CCSER1: variants seen among roughly 807,000 people sequenced by gnomAD.
CCSER1 encodes the protein coiled-coil serine rich protein 1.
CCSER1 carries 41 observed loss-of-function variants against 82.0 expected under a neutral mutation model. The observed-to-expected ratio is 0.50, with a 90% CI of 0.39 to 0.65. The LOEUF is 0.65. Among genes scored for constraint, CCSER1 ranks in the 30% least tolerant of loss-of-function variants. The pLI is 0.00. For synonymous variants in CCSER1, 414 were observed against 383.9 expected (o/e 1.08, Z -0.92); for missense variants, 1,119 against 1,064.2 (o/e 1.05, Z -0.72).
intron 1 of CCSER1, among the ~76,000 whole-genome samples, chr4:90,175,785 T>C (rs1732551005): frequency 6.6e-6 from 1 of 151,978 alleles, no homozygotes; most frequent in Admixed American, 6.6e-5. Context: ...TAAAAATGAA[T>C]ATGAGTGAAT....
chr4:90,534,558 T>A (rs564907970), intron 5 of CCSER1, among the ~76,000 whole-genome samples: 1 of 151,830 alleles, frequency 6.6e-6, no homozygotes, highest in East Asian at 1.9e-4. Context: ...TGGCAGGAAT[T>A]AAAGCAGATA....
intron 9 of CCSER1, among the ~76,000 whole-genome samples, chr4:90,964,805 A>G (rs1287416368): frequency 1.3e-5 from 2 of 151,870 alleles, no homozygotes; most frequent in Non-Finnish European, 2.9e-5. Flanking sequence ...AATTCTGGAA[A>G]TCCACCAAAG....
chr4:90,957,098 CTTTTTTTTTT>C (rs1215668480), intron 9 of CCSER1, among the ~76,000 whole-genome samples: 1 of 86,680 alleles, frequency 1.2e-5, no homozygotes, highest in Admixed American at 1.4e-4. Context: ...TCTTTCTTTC[CTTTTTTTTTT>C]TTTTTTTTTT....
At chr4:91,104,263 C>T (rs192450090) in intron 10 of CCSER1, among the ~76,000 whole-genome samples, 40 of 152,266 alleles carry the variant, frequency 2.6e-4, no homozygotes, top group African/African-American at 5.3e-4. Flanking sequence ...GGACCCTTAT[C>T]GGTAGTTCTG....
At chr4:91,292,355 CTGAATTTTTATTAAAATTCAGGGT>C in intron 10 of CCSER1, among the ~76,000 whole-genome samples, 1 of 152,060 alleles carries the variant, frequency 6.6e-6, no homozygotes, top group African/African-American at 2.4e-5. Context: ...GCAAAAGACA[CTGAATTTTTATTAAAATTCAGGGT>C]TCTGTTTTTT....
chr4:90,509,124 T>C (rs1057011620), intron 5 of CCSER1, among the ~76,000 whole-genome samples: 1 of 152,076 alleles, frequency 6.6e-6, no homozygotes, highest in Non-Finnish European at 1.5e-5. Context: ...GTTTTTGCTA[T>C]TGTGTATTTT....
chr4:91,092,096 C>A (rs1483082582), intron 10 of CCSER1, among the ~76,000 whole-genome samples: 1 of 152,128 alleles, frequency 6.6e-6, no homozygotes, highest in Non-Finnish European at 1.5e-5. Context: ...GGGCCTGTAT[C>A]CATTTTAATC....
intron 6 of CCSER1, among the ~76,000 whole-genome samples, chr4:90,659,505 TCATTACAACCACCAC>T (rs1025389937): frequency 2.0e-5 from 3 of 152,092 alleles, no homozygotes; most frequent in African/African-American, 7.2e-5. Context: ...ATCATGATCA[TCATTACAACCACCAC>T]CAACATCACC....
intron 1 of CCSER1, among the ~76,000 whole-genome samples, chr4:90,190,912 A>G (rs1358378782): frequency 6.6e-6 from 1 of 152,120 alleles, no homozygotes; most frequent in Non-Finnish European, 1.5e-5. Context: ...ACATAAAAAT[A>G]TTACCAGAAA....
At chr4:91,219,427 C>G (rs1323491195) in intron 10 of CCSER1, among the ~76,000 whole-genome samples, 1 of 151,260 alleles carries the variant, frequency 6.6e-6, no homozygotes, top group Non-Finnish European at 1.5e-5. Context: ...ATTCTCCTGC[C>G]TCAGCCTCTC....
intron 3 of CCSER1, among the ~76,000 whole-genome samples, chr4:90,361,756 GTTTAGAATGAACAATTAACCAATA>G (rs1745430647): frequency 6.6e-6 from 1 of 152,140 alleles, no homozygotes; most frequent in South Asian, 2.1e-4. Context: ...GTGGTATTTG[GTTTAGAATGAACAATTAACCAATA>G]TTATGGTGGA....
At chr4:90,232,138 A>G (rs1744706632) in intron 1 of CCSER1, among the ~76,000 whole-genome samples, 1 of 152,132 alleles carries the variant, frequency 6.6e-6, no homozygotes, top group East Asian at 1.9e-4. Flanking sequence ...AGTTCCTATG[A>G]AACCAAAAAA....
chr4:90,560,649 A>G (rs975126024), intron 5 of CCSER1, among the ~76,000 whole-genome samples: 3 of 152,138 alleles, frequency 2.0e-5, no homozygotes, highest in African/African-American at 7.2e-5. Flanking sequence ...ATTAAAAATT[A>G]CTCATCTATT....
intron 7 of CCSER1, among the ~76,000 whole-genome samples, chr4:90,756,143 G>T (rs1299729464): frequency 6.6e-6 from 1 of 152,150 alleles, no homozygotes; most frequent in African/African-American, 2.4e-5. Flanking sequence ...CAGGAGAATT[G>T]CTTGAATCCG....
chr4:90,562,342 T>C (rs1475191777), intron 5 of CCSER1, among the ~76,000 whole-genome samples: 2 of 151,946 alleles, frequency 1.3e-5, no homozygotes, highest in African/African-American at 4.8e-5. Flanking sequence ...ACTCATCAGG[T>C]TAGTTTAATA....
chr4:91,162,691 C>T (rs1328620656), intron 10 of CCSER1, among the ~76,000 whole-genome samples: 1 of 152,132 alleles, frequency 6.6e-6, no homozygotes, highest in Non-Finnish European at 1.5e-5. Context: ...CTATCCATTT[C>T]TTCTAGGTTT....
At chr4:90,163,209 C>G (rs1231818808) in intron 1 of CCSER1, among the ~76,000 whole-genome samples, 2 of 151,912 alleles carry the variant, frequency 1.3e-5, no homozygotes, top group East Asian at 3.9e-4. Flanking sequence ...TAAATTTAAG[C>G]ATTGCATTGT....
chr4:90,909,153 G>C (rs551430241), intron 8 of CCSER1, among the ~76,000 whole-genome samples: 6 of 152,230 alleles, frequency 3.9e-5, no homozygotes, highest in Non-Finnish European at 8.8e-5. Context: ...GTCTTCACAT[G>C]ACCCTCTCTT....
intron 9 of CCSER1, among the ~76,000 whole-genome samples, chr4:90,993,641 AT>A (rs1737238115): frequency 6.6e-6 from 1 of 151,996 alleles, no homozygotes; most frequent in Admixed American, 6.6e-5. Flanking sequence ...GTATCAGCAA[AT>A]TTGGTTCCTG....
Sources: allele counts gnomAD v4.1 joint callset (sites outside exome capture counted in the v4.1 genomes callset), GRCh38; gene constraint gnomAD v4.1.1; transcripts MANE v1.5; gene names NCBI Gene and HGNC (gene_info 2026-07-23, HGNC 2026-07-21).